ADGRV1: variants seen among roughly 807,000 people sequenced by gnomAD.
ADGRV1 encodes the protein adhesion G protein-coupled receptor V1.
In ADGRV1, 359 loss-of-function variants were observed where a neutral mutation model predicts 596.2. That is an observed-to-expected ratio of 0.60 (90% CI 0.55 to 0.66). The LOEUF (loss-of-function observed/expected upper bound fraction) is 0.66, where lower values mean the gene tolerates loss of function less well. Among genes scored for constraint, ADGRV1 ranks in the 30% least tolerant of loss-of-function variants. The pLI is 0.00. For missense variants in ADGRV1, 7,274 were observed against 7,575.6 expected, an observed-to-expected ratio of 0.96 and a Z score of 1.48; for synonymous variants, 2,681 against 2,679.2, an observed-to-expected ratio of 1.00 and a Z score of -0.02.
intron 32 of ADGRV1, among the ~76,000 whole-genome samples, chr5:90,693,391 A>G (rs10035335): frequency 0.32 from 47,962 of 152,000 alleles, 8,080 homozygotes; most frequent in Admixed American, 0.47. Flanking sequence ...ACCTAATACA[A>G]TGTAAATGCT....
chr5:90,768,491 A>G (rs1757371044), intron 59 of ADGRV1, among the ~76,000 whole-genome samples: 1 of 152,164 alleles, frequency 6.6e-6, no homozygotes, highest in Admixed American at 6.5e-5. Context: ...CAATAAGGAA[A>G]CCTAGTCTAC....
chr5:90,585,566 A>G (rs899939906), intron 1 of ADGRV1, among the ~76,000 whole-genome samples: 1 of 152,202 alleles, frequency 6.6e-6, no homozygotes, highest in Non-Finnish European at 1.5e-5. Context: ...ACCTGTGGTA[A>G]AGACGTTAGC....
chr5:90,904,709 T>C (rs1007860550), intron 83 of ADGRV1, among the ~76,000 whole-genome samples: 1 of 152,216 alleles, frequency 6.6e-6, no homozygotes, highest in African/African-American at 2.4e-5. Flanking sequence ...GTTGATTGTT[T>C]CCCTTGCTGT....
In ADGRV1 at chr5:90,683,998, A is replaced by AT; in HGVS notation, c.6081dup (p.Pro2028SerfsTer3). ...CTAGATGATATGGAAAAACCACCTT[A>AT]TTTTCCACCTAATTTAGCGAGAGCA... is the stretch of plus-strand genomic sequence containing the variant. On this transcript the variant is annotated frameshift_variant, in exon 28 of 90. Transcript: ENST00000405460. LOFTEE classifies it high-confidence loss of function. 6.2e-7 allele frequency: 1 copy of AT among 1,613,812 alleles called. No individual in the cohort carries two copies. The highest frequency in any genetic ancestry group is 8.5e-7 in the Non-Finnish European group (1 of 1,179,820).
intron 85 of ADGRV1, among the ~76,000 whole-genome samples, chr5:91,062,560 C>T (rs1787532952): frequency 1.3e-5 from 2 of 152,072 alleles, no homozygotes; most frequent in Non-Finnish European, 2.9e-5. Flanking sequence ...TGCAGCAGAA[C>T]TGAATATTAA....
chr5:90,736,474 G>A (rs929796936), intron 50 of ADGRV1, among the ~76,000 whole-genome samples: 3 of 151,924 alleles, frequency 2.0e-5, no homozygotes, highest in African/African-American at 7.2e-5. Context: ...TCAGGATAAT[G>A]CTGGCCATGT....
intron 83 of ADGRV1, among the ~76,000 whole-genome samples, chr5:90,890,306 C>T (rs1686026013): frequency 6.6e-6 from 1 of 152,090 alleles, no homozygotes; most frequent in Non-Finnish European, 1.5e-5. Context: ...TATAAAGGTC[C>T]TATTGTGTGT....
intron 89 of ADGRV1, among the ~76,000 whole-genome samples, chr5:91,162,683 A>C (rs1161503362): frequency 2.6e-5 from 4 of 152,210 alleles, no homozygotes; most frequent in Non-Finnish European, 5.9e-5. Context: ...AGCGGCCTTT[A>C]ACAGAGAGAG....
intron 1 of ADGRV1, among the ~76,000 whole-genome samples, chr5:90,604,370 G>A (rs1008465368): frequency 1.3e-5 from 2 of 151,958 alleles, no homozygotes; most frequent in Non-Finnish European, 2.9e-5. Flanking sequence ...AATAAAAACA[G>A]ACTGTCTTCA....
At chr5:90,743,622 C>A (rs1157197767) in intron 50 of ADGRV1, among the ~76,000 whole-genome samples, 3 of 151,946 alleles carry the variant, frequency 2.0e-5, no homozygotes, top group Non-Finnish European at 2.9e-5. Flanking sequence ...CAGGTGCCCA[C>A]CACCATGCCC....
chr5:90,854,675 T>A (rs1473399076), intron 81 of ADGRV1, among the ~76,000 whole-genome samples: 1 of 152,172 alleles, frequency 6.6e-6, no homozygotes, highest in African/African-American at 2.4e-5. Flanking sequence ...AAAGAATGAT[T>A]CTTTTTTTGA....
At chr5:91,088,468 G>A (rs1426066585) in intron 86 of ADGRV1, among the ~76,000 whole-genome samples, 3 of 152,168 alleles carry the variant, frequency 2.0e-5, no homozygotes, top group Non-Finnish European at 2.9e-5. Context: ...AATGTAGCAA[G>A]ATCTGCCTAG....
intron 85 of ADGRV1, among the ~76,000 whole-genome samples, chr5:90,986,562 C>T (rs1035511389): frequency 2.6e-5 from 4 of 152,116 alleles, no homozygotes; most frequent in Non-Finnish European, 5.9e-5. Context: ...CCTAAACACA[C>T]AAACGTACAC....
chr5:90,778,387 CCA>C lies in ADGRV1; in HGVS notation c.12667-37_12667-36del, dbSNP rs1432894303. On this transcript the variant is annotated intron_variant, in intron 62 of 89. Transcript: ENST00000405460. Reference sequence around the variant, plus strand: ...GAGGTTAGGAGTTTTTCTTGAAATTCCACAGATTCTACTGTTGATGACTCTTT... The same window carrying C: ...GAGGTTAGGAGTTTTTCTTGAAATTCCAGATTCTACTGTTGATGACTCTTT... 3.2e-6 allele frequency: 5 copies of C among 1,562,848 alleles called. No homozygotes were observed. The Admixed American group carries it at 8.9e-5, about 28-fold the overall frequency.
intron 1 of ADGRV1, among the ~76,000 whole-genome samples, chr5:90,611,746 G>T (rs1762753423): frequency 6.6e-6 from 1 of 151,820 alleles, no homozygotes; most frequent in Non-Finnish European, 1.5e-5. Flanking sequence ...ACCTAAAATA[G>T]ATTTAAGACT....
At chr5:91,001,484 A>G (rs974780126) in intron 85 of ADGRV1, among the ~76,000 whole-genome samples, 2 of 151,980 alleles carry the variant, frequency 1.3e-5, no homozygotes, top group Non-Finnish European at 2.9e-5. Context: ...TTTTGTTGCT[A>G]TTTTTTTAAT....
intron 6 of ADGRV1, 38 bp downstream of exon 6, chr5:90,625,281 C>A: frequency 7.6e-7 from 1 of 1,318,100 alleles, no homozygotes; most frequent in Non-Finnish European, 1.1e-6. Context: ...GACAAGGATT[C>A]TGTGTTGCAG....
chr5:90,659,117 C>A (rs925557359), intron 21 of ADGRV1, among the ~76,000 whole-genome samples: 5 of 151,988 alleles, frequency 3.3e-5, no homozygotes, highest in Admixed American at 2.6e-4. Context: ...CCACTTTAGC[C>A]CTTTGGTTTG....
chr5:90,690,822 A>G lies in ADGRV1; in HGVS notation c.6732A>G (p.Val2244=), dbSNP rs765712642. Reference sequence around the variant, plus strand: ...GTTTTCAGATTACTAAACTTATTGTAGAGGAACCTGAGTTTAACTCAGTGA... The same window carrying G: ...GTTTTCAGATTACTAAACTTATTGTGGAGGAACCTGAGTTTAACTCAGTGA... ...LFGFQITKLI[V]EEPEFNSVKV... is the part of the protein sequence containing the mutation. Residue 2244 remains valine (V), a synonymous_variant, in exon 31 of 90, where the codon GTA becomes GTG. Coordinates refer to ENST00000405460, the MANE Select transcript of ADGRV1 (RefSeq NM_032119.4). The G allele has an allele frequency of 1.4e-5, 22 of 1,598,866 alleles. No individual in the cohort carries two copies. Among genetic ancestry groups the G allele is most frequent in the Non-Finnish European group, 1.8e-5 (21 of 1,171,680 alleles).
Sources: gnomAD v4.1 joint callset for allele counts (sites outside exome capture counted in the v4.1 genomes callset) on GRCh38, gnomAD v4.1.1 for gene constraint, MANE v1.5 for transcripts, NCBI Gene and HGNC (gene_info 2026-07-23, HGNC 2026-07-21) for gene names.